The following CDH18 variants were observed in gnomAD, a reference collection of about 807,000 sequenced individuals.
CDH18 encodes cadherin 18, also known as cadherin-18.
A neutral mutation model predicts 67.9 loss-of-function variants in CDH18; 31 were observed. That is an observed-to-expected ratio of 0.46 (90% confidence interval 0.34 to 0.62). The LOEUF (loss-of-function observed/expected upper bound fraction) is 0.62, where lower values mean the gene tolerates loss of function less well. CDH18 is among the 20% of genes least tolerant of loss of function. The pLI, the probability that CDH18 is intolerant of heterozygous loss-of-function variation, is 0.01. For missense variants in CDH18, 890 were observed against 975.5 expected (o/e 0.91, Z 1.17); for synonymous variants, 362 against 347.2 (o/e 1.04, Z -0.48).
chr5:20,490,431 C>T (rs1753520670), intron 1 of CDH18, among the ~76,000 whole-genome samples: 1 of 152,008 alleles, frequency 6.6e-6, no homozygotes, highest in Admixed American at 6.6e-5. Context: ...TATTAATTAT[C>T]TTTAATATAA....
In CDH18 at chr5:19,496,342, G is replaced by T. The variant is rs186831040; in HGVS notation, c.1630+6650C>A. On this transcript the variant is annotated intron_variant, in intron 11 of 12. Coordinates refer to ENST00000382275, the MANE Select transcript of CDH18 (RefSeq NM_004934.5). Reference sequence around the variant, plus strand: ...AGAGAAATGGTGAATACTCTCTTGGGAAACATATTATCATTTGATCTTCTG... The same window carrying T: ...AGAGAAATGGTGAATACTCTCTTGGTAAACATATTATCATTTGATCTTCTG... Among the ~76,000 whole-genome samples the T allele has an allele frequency of 1.6e-3, 243 of 152,234 alleles. 1 individual carries two copies. Among genetic ancestry groups the T allele is most frequent in the Middle Eastern group, 0.01 (3 of 294 alleles).
intron 7 of CDH18, among the ~76,000 whole-genome samples, chr5:19,574,353 C>T (rs1393412674): frequency 1.3e-5 from 2 of 151,956 alleles, no homozygotes; most frequent in South Asian, 2.1e-4. Context: ...CCAGAACTGA[C>T]GGATGGATGG....
intron 2 of CDH18, among the ~76,000 whole-genome samples, chr5:20,028,319 AAAG>A (rs950445178): frequency 1.3e-5 from 2 of 152,204 alleles, no homozygotes; most frequent in African/African-American, 2.4e-5. Flanking sequence ...GTACTCAGTG[AAAG>A]AAGATTTAAA....
chr5:20,137,224 C>T lies in CDH18; in HGVS notation c.-518+118220G>A, dbSNP rs563139208. 6.6e-5 allele frequency among the ~76,000 whole-genome samples: 10 copies of T among 152,118 alleles called. No individual in the cohort carries two copies. The East Asian group carries it at 1.2e-3, about 18-fold the overall frequency. On this transcript the variant is annotated intron_variant, in intron 2 of 14. Coordinates refer to the CDH18 transcript ENST00000507958. ...CCTGTCACTTTCAGGTACACCAGTC[C>T]GATGTAGACTTGCTCTTTTCACATA...
intron 2 of CDH18, among the ~76,000 whole-genome samples, chr5:20,001,861 A>C (rs2150401598): frequency 6.6e-6 from 1 of 152,258 alleles, no homozygotes; most frequent in Non-Finnish European, 1.5e-5. Flanking sequence ...GCAAAATTAA[A>C]GTGTAGGTAG....
intron 2 of CDH18, among the ~76,000 whole-genome samples, chr5:19,966,012 A>G (rs969135311): frequency 3.9e-5 from 6 of 152,158 alleles, no homozygotes; most frequent in African/African-American, 1.4e-4. Flanking sequence ...TGGCTTTCAT[A>G]AAAAAAGAAA....
intron 1 of CDH18, among the ~76,000 whole-genome samples, chr5:20,493,397 T>TG (rs1252731664): frequency 7.6e-6 from 1 of 131,202 alleles, no homozygotes; most frequent in East Asian, 2.3e-4. Flanking sequence ...CAAAGAATTT[T>TG]TTGTTTTATT....
chr5:19,970,060 T>G (rs978496866), intron 2 of CDH18, among the ~76,000 whole-genome samples: 1 of 151,932 alleles, frequency 6.6e-6, no homozygotes, highest in Admixed American at 6.6e-5. Context: ...TAAAATTACA[T>G]GAGTGATAAC....
chr5:20,476,755 G>A (rs1169251536), intron 1 of CDH18, among the ~76,000 whole-genome samples: 1 of 152,064 alleles, frequency 6.6e-6, no homozygotes, highest in Non-Finnish European at 1.5e-5. Context: ...TTTTGCTTGA[G>A]AGTTTTTCTT....
At chr5:20,559,757 A>G (rs1352118701) in intron 1 of CDH18, among the ~76,000 whole-genome samples, 1 of 152,132 alleles carries the variant, frequency 6.6e-6, no homozygotes, top group Non-Finnish European at 1.5e-5. Flanking sequence ...CTAAGCGCCT[A>G]CAAGATCAAG....
intron 1 of CDH18, among the ~76,000 whole-genome samples, chr5:20,454,689 A>G (rs1750709057): frequency 6.6e-6 from 1 of 152,166 alleles, no homozygotes; most frequent in South Asian, 2.1e-4. Context: ...GGTCAAAGAC[A>G]TTTTACTTCA....
At chr5:19,886,599 C>T (rs577702925) in intron 2 of CDH18, among the ~76,000 whole-genome samples, 4 of 152,130 alleles carry the variant, frequency 2.6e-5, no homozygotes, top group South Asian at 2.1e-4. Context: ...TGTGTTACTC[C>T]GGTAATGTAT....
chr5:20,026,192 G>A (rs187106016), intron 2 of CDH18, among the ~76,000 whole-genome samples: 20 of 152,258 alleles, frequency 1.3e-4, no homozygotes, highest in Non-Finnish European at 8.8e-5. Flanking sequence ...TGTTACAGGA[G>A]AAAATATTGA....
Position 19,637,363 on chromosome 5 carries a change from T to A in CDH18, c.644-24762A>T, listed in dbSNP as rs183196212. Among the ~76,000 whole-genome samples the A allele has an allele frequency of 1.2e-4, 18 of 152,254 alleles. No individual in the cohort carries two copies. The East Asian group carries it at 3.3e-3, about 28-fold the overall frequency. On this transcript the variant is annotated intron_variant, in intron 5 of 12. Transcript: ENST00000382275. ...GGACACTCTAATATCACGGCTGCCATGCCAACTCGACTCTCTATTTAATAT... is the reference window on the plus strand; with the variant it reads ...GGACACTCTAATATCACGGCTGCCAAGCCAACTCGACTCTCTATTTAATAT...
chr5:19,670,699 G>A lies in CDH18; in HGVS notation c.643+50648C>T, dbSNP rs1272171900. On this transcript the variant is annotated intron_variant, in intron 5 of 12. Transcript: ENST00000382275. The stretch of plus-strand genomic sequence containing the variant: ...TCTATCCCAGGACCTCTGCTCACCA[G>A]GTAAGATGAATTCAGGAGACCAAGC... Among the ~76,000 whole-genome samples the A allele has an allele frequency of 2.0e-5, 3 of 152,160 alleles. 1 individual carries two copies. Among genetic ancestry groups the A allele is most frequent in the East Asian group, 3.9e-4 (2 of 5,160 alleles).
At chr5:19,799,359 A>G (rs1777190862) in intron 3 of CDH18, among the ~76,000 whole-genome samples, 1 of 152,038 alleles carries the variant, frequency 6.6e-6, no homozygotes, top group African/African-American at 2.4e-5. Flanking sequence ...TGTACAACAT[A>G]GTATCTATAG....
intron 2 of CDH18, among the ~76,000 whole-genome samples, chr5:20,170,560 A>T (rs1736618959): frequency 6.6e-6 from 1 of 152,106 alleles, no homozygotes; most frequent in Non-Finnish European, 1.5e-5. Context: ...TTAGTGGATA[A>T]TAATATAAAA....
intron 1 of CDH18, among the ~76,000 whole-genome samples, chr5:20,269,221 G>A (rs1435610081): frequency 1.3e-5 from 2 of 151,632 alleles, no homozygotes; most frequent in African/African-American, 4.8e-5. Context: ...TATTAAAAAG[G>A]CAAAAACCAG....
At chr5:19,580,434 T>A (rs944556982) in intron 7 of CDH18, among the ~76,000 whole-genome samples, 1 of 151,894 alleles carries the variant, frequency 6.6e-6, no homozygotes, top group Non-Finnish European at 1.5e-5. Context: ...AAAAATATTA[T>A]CTAATTCATT....
Sources: allele counts gnomAD v4.1 joint callset (sites outside exome capture counted in the v4.1 genomes callset), GRCh38; gene constraint gnomAD v4.1.1; transcripts MANE v1.5; gene names NCBI Gene and HGNC (gene_info 2026-07-23, HGNC 2026-07-21).